The following CSMD1 variants were observed in gnomAD, a reference collection of about 807,000 sequenced individuals.
CSMD1 encodes the protein CUB and Sushi multiple domains 1, also known as CUB and sushi domain-containing protein 1.
A neutral mutation model predicts 417.5 loss-of-function variants in CSMD1; 213 were observed. The ratio of observed to expected loss-of-function variants is 0.51; its 90% confidence interval spans 0.46 to 0.57. The LOEUF is 0.57. CSMD1 is among the 20% of genes least tolerant of loss of function. The pLI is 0.00. For synonymous variants in CSMD1, 2,862 were observed against 1,736.8 expected, an observed-to-expected ratio of 1.65 and a Z score of -16.11; for missense variants, 6,923 against 4,529.7, an observed-to-expected ratio of 1.53 and a Z score of -15.17.
chr8:3,720,916 A>G (rs1802126562), intron 6 of CSMD1, among the ~76,000 whole-genome samples: 1 of 152,056 alleles, frequency 6.6e-6, no homozygotes, highest in Non-Finnish European at 1.5e-5. Context: ...CCCGGGTTCA[A>G]GTGTTTCTCC....
chr8:3,610,568 T>C (rs768173635), intron 8 of CSMD1, among the ~76,000 whole-genome samples: 3 of 152,170 alleles, frequency 2.0e-5, no homozygotes, highest in African/African-American at 4.8e-5. Flanking sequence ...CACATATAAA[T>C]ATAGGTCATG....
At chr8:3,266,967 C>T (rs546736669) in intron 26 of CSMD1, among the ~76,000 whole-genome samples, 1 of 152,002 alleles carries the variant, frequency 6.6e-6, no homozygotes, top group African/African-American at 2.4e-5. Flanking sequence ...AAATTTTGCT[C>T]TAAAAGGAGA....
At chr8:4,163,552 A>C (rs1181242966) in intron 3 of CSMD1, among the ~76,000 whole-genome samples, 1 of 152,174 alleles carries the variant, frequency 6.6e-6, no homozygotes. Context: ...CTACAGCATC[A>C]TTTGGTGTGA....
chr8:4,412,233 G>C (rs753106055), intron 3 of CSMD1, among the ~76,000 whole-genome samples: 2 of 152,046 alleles, frequency 1.3e-5, no homozygotes, highest in African/African-American at 4.8e-5. Context: ...GGTAGGGCCT[G>C]GTAGGAGGTG....
At chr8:4,041,931 G>C (rs35067795) in intron 3 of CSMD1, among the ~76,000 whole-genome samples, 33,677 of 151,924 alleles carry the variant, frequency 0.22, 3,928 homozygotes, top group Admixed American at 0.29. Context: ...TGAACATGTA[G>C]AGATAGCAAG....
At chr8:3,116,684 A>C (rs1204310059) in intron 42 of CSMD1, among the ~76,000 whole-genome samples, 1 of 152,232 alleles carries the variant, frequency 6.6e-6, no homozygotes, top group Non-Finnish European at 1.5e-5. Flanking sequence ...TCGAAGCCAG[A>C]GCAGTTATTT....
chr8:4,655,644 CA>C (rs1804185885), intron 1 of CSMD1, among the ~76,000 whole-genome samples: 1 of 152,020 alleles, frequency 6.6e-6, no homozygotes, highest in Non-Finnish European at 1.5e-5. Flanking sequence ...AGCATGTAAT[CA>C]CCTTAATCAT....
chr8:3,598,378 C>G (rs1340309061), intron 8 of CSMD1: 1 of 152,198 alleles, frequency 6.6e-6, no homozygotes, highest in Admixed American at 6.5e-5. Context: ...AGATCCAGCC[C>G]TTAATGCTCA....
chr8:4,503,438 AAT>A (rs745394010), intron 2 of CSMD1, among the ~76,000 whole-genome samples: 39 of 152,202 alleles, frequency 2.6e-4, no homozygotes, highest in South Asian at 1.0e-3. Context: ...TTATATTCGC[AAT>A]ATGTTTCCAA....
rs535207156 is a variant in CSMD1, at chr8:4,246,613, C to T, written c.415+173340G>A. The stretch of plus-strand genomic sequence containing the variant: ...GTAGAATTTGATATGATGGGTCTAG[C>T]TTTGTTCAGCAGAAATGAATTTCTG... On this transcript the variant is annotated intron_variant, in intron 3 of 69. Coordinates refer to ENST00000635120, the MANE Select transcript of CSMD1 (RefSeq NM_033225.6). Among the ~76,000 whole-genome samples the T allele has an allele frequency of 4.6e-5, 7 of 152,244 alleles. No homozygotes were observed. In the East Asian group the frequency reaches 1.4e-3, roughly 29 times the overall value.
At position 4,269,902 on chromosome 8, in the gene CSMD1, A is replaced by G. The variant is rs925207292; in HGVS notation, c.415+150051T>C. 7.2e-5 allele frequency among the ~76,000 whole-genome samples: 11 copies of G among 152,182 alleles called. 1 individual carries two copies. Among genetic ancestry groups the G allele is most frequent in the Admixed American group, 2.0e-4 (3 of 15,274 alleles). On this transcript the variant is annotated intron_variant, in intron 3 of 69. Transcript: ENST00000635120. Reference sequence around the variant, plus strand: ...ACTGGAGTTTATATTACAGAATTCCATTACAGATGGAGGAAGAAGGGCGTT... The same window carrying G: ...ACTGGAGTTTATATTACAGAATTCCGTTACAGATGGAGGAAGAAGGGCGTT...
intron 33 of CSMD1, among the ~76,000 whole-genome samples, chr8:3,199,405 C>G (rs140613703): frequency 1.0e-3 from 159 of 151,986 alleles, no homozygotes; most frequent in African/African-American, 3.7e-3. Flanking sequence ...AGATAAAATA[C>G]TGTATTTGAA....
At chr8:4,458,246 G>C (rs1254472653) in intron 2 of CSMD1, among the ~76,000 whole-genome samples, 1 of 152,010 alleles carries the variant, frequency 6.6e-6, no homozygotes, top group Non-Finnish European at 1.5e-5. Flanking sequence ...ACACTTAAAT[G>C]GTTGCAGAGT....
chr8:3,280,788 A>T (rs200413637), intron 26 of CSMD1, among the ~76,000 whole-genome samples: 2 of 152,060 alleles, frequency 1.3e-5, no homozygotes, highest in Non-Finnish European at 2.9e-5. Context: ...CTAAACACTA[A>T]TAATTAATTA....
chr8:3,521,960 G>C (rs191150080), intron 10 of CSMD1, among the ~76,000 whole-genome samples: 2 of 152,270 alleles, frequency 1.3e-5, no homozygotes, highest in East Asian at 3.9e-4. Flanking sequence ...GTACAAAAAT[G>C]CAATTAACAA....
At chr8:4,062,141 T>C (rs185731700) in intron 3 of CSMD1, among the ~76,000 whole-genome samples, 87 of 152,100 alleles carry the variant, frequency 5.7e-4, no homozygotes, top group African/African-American at 2.0e-3. Context: ...TGGAGGCTCA[T>C]GATATGCACT....
chr8:4,629,781 T>C (rs1166243634), intron 2 of CSMD1, among the ~76,000 whole-genome samples: 2 of 152,186 alleles, frequency 1.3e-5, no homozygotes, highest in African/African-American at 4.8e-5. Context: ...AACATTCAGA[T>C]TTTCATGACC....
At chr8:3,733,209 T>G (rs970068021) in intron 6 of CSMD1, among the ~76,000 whole-genome samples, 1 of 148,648 alleles carries the variant, frequency 6.7e-6, no homozygotes, top group Non-Finnish European at 1.5e-5. Flanking sequence ...ACACACACTC[T>G]CTCTCTCTCA....
intron 1 of CSMD1, among the ~76,000 whole-genome samples, chr8:4,934,481 G>C (rs1807465246): frequency 6.6e-6 from 1 of 152,148 alleles, no homozygotes; most frequent in African/African-American, 2.4e-5. Flanking sequence ...CTGAGTTATA[G>C]AAAATACGAA....
Sources: gnomAD v4.1 joint callset for allele counts (sites outside exome capture counted in the v4.1 genomes callset) on GRCh38, gnomAD v4.1.1 for gene constraint, MANE v1.5 for transcripts, NCBI Gene and HGNC (gene_info 2026-07-23, HGNC 2026-07-21) for gene names.